LACTBL1: variants seen among roughly 807,000 people sequenced by gnomAD.
LACTBL1 encodes beta-lactamase-like protein 1.
LACTBL1 carries 29 observed loss-of-function variants against 39.6 expected under a neutral mutation model. The observed-to-expected ratio is 0.73, with a 90% CI of 0.55 to 1.00. The LOEUF (loss-of-function observed/expected upper bound fraction) is 1.00, where lower values mean the gene tolerates loss of function less well. LACTBL1 is among the 50% of genes least tolerant of loss of function. The pLI, the probability that LACTBL1 is intolerant of heterozygous loss-of-function variation, is 0.00. For synonymous variants in LACTBL1, 361 were observed against 360.7 expected (o/e 1.00, Z -0.01); for missense variants, 711 against 748.5 (o/e 0.95, Z 0.59).
intron 1 of LACTBL1, among the ~76,000 whole-genome samples, chr1:22,964,579 G>A (rs1640858840): frequency 6.6e-6 from 1 of 152,222 alleles, no homozygotes; most frequent in African/African-American, 2.4e-5. Flanking sequence ...AGTAGGCTTT[G>A]GGGTGGTTTG....
chr1:22,953,736 C>A (rs907120316), exon 6 of LACTBL1: 4 of 1,350,820 alleles, frequency 3.0e-6, no homozygotes, highest in Non-Finnish European at 3.8e-6. Flanking sequence ...GCCGCCGGGG[C>A]CCGCCGCCCA....
chr1:22,965,588 G>A (rs1250738868), upstream of LACTBL1, among the ~76,000 whole-genome samples: 1 of 152,110 alleles, frequency 6.6e-6, no homozygotes. Flanking sequence ...CCTTCCCAGT[G>A]TGACTCTTTC....
chr1:22,956,362 C>A (rs1354725229), intron 4 of LACTBL1, among the ~76,000 whole-genome samples: 4 of 151,792 alleles, frequency 2.6e-5, no homozygotes, highest in Non-Finnish European at 5.9e-5. Context: ...CAGAGTGAGA[C>A]CCTGCCAAAA....
chr1:22,969,754 T>C (rs1176111549), upstream of LACTBL1, among the ~76,000 whole-genome samples: 9 of 152,298 alleles, frequency 5.9e-5, no homozygotes, highest in Non-Finnish European at 2.9e-5. Flanking sequence ...CCCATAGGCA[T>C]CTGTGAAGCC....
chr1:22,965,898 C>A (rs185869790), upstream of LACTBL1, among the ~76,000 whole-genome samples: 98 of 152,142 alleles, frequency 6.4e-4, no homozygotes, highest in Non-Finnish European at 8.2e-4. Context: ...GATAGACAAC[C>A]CATAGAGACA....
chr1:22,968,264 C>T (rs533081367), upstream of LACTBL1, among the ~76,000 whole-genome samples: 1 of 152,278 alleles, frequency 6.6e-6, no homozygotes, highest in South Asian at 2.1e-4. Flanking sequence ...CGGGGCCAGA[C>T]TACCTTAAAA....
intron 1 of LACTBL1, among the ~76,000 whole-genome samples, 187 bp from the exon 4 acceptor site, chr1:22,963,403 G>A (rs1323339214): frequency 2.0e-5 from 3 of 152,170 alleles, no homozygotes; most frequent in South Asian, 2.1e-4. Context: ...TGTGCCCTTG[G>A]GGAGGAGGCA....
At chr1:22,953,185 A>C in exon 6 of LACTBL1, 1 of 1,232,128 alleles carries the variant, frequency 8.1e-7, no homozygotes, top group East Asian at 3.2e-5. Context: ...CTCGAGCGAG[A>C]GCCACGCGTC....
intron 2 of LACTBL1, among the ~76,000 whole-genome samples, chr1:22,962,470 G>A (rs1051472044): frequency 6.6e-6 from 1 of 152,182 alleles, no homozygotes; most frequent in Admixed American, 6.5e-5. Context: ...GACTAGAGCT[G>A]ACTGACACCT....
intron 2 of LACTBL1, 52 bp downstream of exon 4, chr1:22,963,055 C>T (rs1640841658): frequency 1.0e-6 from 1 of 1,004,206 alleles, no homozygotes; most frequent in Non-Finnish European, 1.3e-6. Context: ...CCCTCCCCTT[C>T]ATCACCCAGG....
exon 6 of LACTBL1, chr1:22,953,661 G>C: frequency 7.9e-7 from 1 of 1,271,556 alleles, no homozygotes; most frequent in East Asian, 3.2e-5. Context: ...TCTCGTTGGC[G>C]AAGTAGGCGC....
upstream of LACTBL1, among the ~76,000 whole-genome samples, chr1:22,967,175 C>G (rs983981896): frequency 6.6e-6 from 1 of 152,120 alleles, no homozygotes; most frequent in Non-Finnish European, 1.5e-5. Flanking sequence ...TCAAAACCAG[C>G]CTGGGCAACA....
At chr1:22,956,471 T>A (rs1026005874) in intron 4 of LACTBL1, among the ~76,000 whole-genome samples, 2 of 152,196 alleles carry the variant, frequency 1.3e-5, no homozygotes, top group Admixed American at 1.3e-4. Flanking sequence ...GACTCAGGCC[T>A]GAACACACTT....
At chr1:22,953,701 G>A (rs989142932) in exon 6 of LACTBL1, 10 of 1,320,274 alleles carry the variant, frequency 7.6e-6, no homozygotes, top group Non-Finnish European at 8.7e-6. Flanking sequence ...CGCCAGCAGC[G>A]TCTTGGCCGC....
At chr1:22,970,678 CAT>C in the LACTBL1 span, among the ~76,000 whole-genome samples, 1 of 151,984 alleles carries the variant, frequency 6.6e-6, no homozygotes. Context: ...GGCATGCTGG[CAT>C]GCACCTGTAG....
At chr1:22,959,270 C>T (rs1640792080) in intron 3 of LACTBL1, among the ~76,000 whole-genome samples, 1 of 152,240 alleles carries the variant, frequency 6.6e-6, no homozygotes. Context: ...TCATTGTCTG[C>T]TTCACCGGTT....
chr1:22,954,819 C>T (rs911122150), intron 5 of LACTBL1, among the ~76,000 whole-genome samples: 11 of 152,182 alleles, frequency 7.2e-5, no homozygotes, highest in African/African-American at 1.9e-4. Context: ...CACTGACCAG[C>T]GGCTCAGAAG....
At chr1:22,967,770 A>G (rs1333705266), upstream of LACTBL1, among the ~76,000 whole-genome samples, 1 of 152,192 alleles carries the variant, frequency 6.6e-6, no homozygotes, top group Non-Finnish European at 1.5e-5. Context: ...TTTTTCAAAT[A>G]TGCTATGTCC....
intron 5 of LACTBL1, 22 bp downstream of exon 7, chr1:22,955,299 G>A (rs1245258693): frequency 3.0e-5 from 46 of 1,533,450 alleles, no homozygotes; most frequent in Non-Finnish European, 3.9e-5. Flanking sequence ...CATGAGGCTG[G>A]GCATCAGGGT....
Sources: allele counts gnomAD v4.1 joint callset (sites outside exome capture counted in the v4.1 genomes callset), GRCh38; gene constraint gnomAD v4.1.1; transcripts MANE v1.5; gene names NCBI Gene and HGNC (gene_info 2026-07-23, HGNC 2026-07-21).